TUBG1: variants seen among roughly 807,000 people sequenced by gnomAD.
The protein encoded by TUBG1 is tubulin gamma-1 chain.
TUBG1 carries 22 observed loss-of-function variants against 53.3 expected under a neutral mutation model. The observed-to-expected ratio is 0.41, with a 90% CI of 0.29 to 0.59. TUBG1 has a LOEUF of 0.59. Ranked by LOEUF, TUBG1 falls within the 20% of genes least tolerant of loss-of-function variation. The pLI, the probability that TUBG1 is intolerant of heterozygous loss-of-function variation, is 0.26. For synonymous variants in TUBG1, 198 were observed against 236.7 expected, an observed-to-expected ratio of 0.84 and a Z score of 1.50; for missense variants, 217 against 598.9, an observed-to-expected ratio of 0.36 and a Z score of 6.66.
Position 42,614,215 on chromosome 17 carries a change from T to A in TUBG1, c.844-45T>A, listed in dbSNP as rs2052058604. 1 of 1,612,998 alleles carries A rather than the reference T, an allele frequency of 6.2e-7. No individual in the cohort carries two copies. On this transcript the variant is annotated intron_variant, in intron 8 of 10. Coordinates refer to ENST00000251413, the MANE Select transcript of TUBG1 (RefSeq NM_001070.5). This position sits in a 1 kb window ranked among gnomAD's most constrained non-coding sequence, Gnocchi z 5.1. ...TGCCAAAGAGAAGCCAAAGGGGGAC[T>A]GTGCCCTGAGCGCTGGCCGGGTCCC...
chr17:42,613,588 A>T, intron 6 of TUBG1, 59 bp from the exon 7 acceptor site: 1 of 1,612,844 alleles, frequency 6.2e-7, no homozygotes, highest in Non-Finnish European at 8.5e-7. Flanking sequence ...GCCTAGGGTC[A>T]GGCAGAGCTC....
chr17:42,614,979 A>T lies in TUBG1; in HGVS notation c.1294A>T (p.Ile432Phe). 1 of 1,614,146 alleles carries T rather than the reference A, an allele frequency of 6.2e-7. No individual in the cohort carries two copies. The highest frequency in any genetic ancestry group is 8.5e-7 in the Non-Finnish European group (1 of 1,180,000). ...ATCCAGGGAGATTGTGCAGCAGCTC[A>T]TCGATGAGTACCATGCGGCCACACG... ...DTSREIVQQL[I>F]DEYHAATRPD... Residue 432 changes from isoleucine (I) to phenylalanine (F), a missense_variant, in exon 11 of 11, where the codon ATC (isoleucine) becomes TTC (phenylalanine). Physicochemically the swap from Ile to Phe is conservative, Grantham distance 21 (BLOSUM62 0). Coordinates refer to ENST00000251413, the MANE Select transcript of TUBG1 (RefSeq NM_001070.5). This position sits in a 1 kb window ranked among gnomAD's most constrained non-coding sequence, Gnocchi z 5.1.
intron 3 of TUBG1, among the ~76,000 whole-genome samples, chr17:42,611,648 G>A (rs1279257149): frequency 2.6e-5 from 4 of 152,184 alleles, no homozygotes; most frequent in Non-Finnish European, 4.4e-5. Flanking sequence ...CTGAGGTCAG[G>A]AGTTCAAGAC....
At chr17:42,613,534 TGA>T in intron 6 of TUBG1, 111 bp from the exon 7 acceptor site, 1 of 1,521,736 alleles carries the variant, frequency 6.6e-7, no homozygotes, top group South Asian at 1.1e-5. Context: ...CTCTTTCCAG[TGA>T]GTCTTTCTGG....
chr17:42,610,766 C>T (rs2052025675), intron 3 of TUBG1, 176 bp downstream of exon 3: 3 of 857,996 alleles, frequency 3.5e-6, no homozygotes, highest in Admixed American at 2.9e-5. Context: ...ATGCAGTGTG[C>T]CAGGTCATTC....
Position 42,612,061 on chromosome 17 carries a change from C to G in TUBG1, c.331-14C>G. On this transcript the variant is annotated splice_polypyrimidine_tract_variant and intron_variant, in intron 3 of 10. Coordinates refer to ENST00000251413, the MANE Select transcript of TUBG1 (RefSeq NM_001070.5). Reference sequence around the variant, plus strand: ...GGTTCTGTCCCACTCTGACCCTCCCCTATGTCTGTACAGGGAGAAAAGATC... The same window carrying G: ...GGTTCTGTCCCACTCTGACCCTCCCGTATGTCTGTACAGGGAGAAAAGATC... 6.2e-7 allele frequency: 1 copy of G among 1,613,872 alleles called. No homozygotes were observed. Among genetic ancestry groups the G allele is most frequent in the Non-Finnish European group, 8.5e-7 (1 of 1,179,814 alleles).
rs1344049632 is a variant in TUBG1, at chr17:42,614,142, C to T, written c.844-118C>T. ...CGCTCAGGGACTGGCACAGAGTGGG[C>T]GACTTTCTTGCTGACTTGCTCTCCA... On this transcript the variant is annotated intron_variant, in intron 8 of 10. Transcript: ENST00000251413. The surrounding 1 kb of genome is among the most constrained non-coding windows in gnomAD (Gnocchi z 5.1). 11 of 1,586,310 alleles carry T rather than the reference C, an allele frequency of 6.9e-6. No homozygotes were observed. The highest frequency in any genetic ancestry group is 2.2e-5 in the East Asian group (1 of 44,590).
chr17:42,610,713 A>G (rs1241772620), intron 3 of TUBG1, 123 bp downstream of exon 3: 7 of 1,414,584 alleles, frequency 4.9e-6, no homozygotes, highest in Non-Finnish European at 6.8e-6. Flanking sequence ...ACCTGGCTGC[A>G]GGGAGTGGAC....
chr17:42,612,815 C>T (rs755545049), intron 5 of TUBG1, 132 bp from the exon 6 acceptor site: 5 of 1,260,456 alleles, frequency 4.0e-6, no homozygotes, highest in Non-Finnish European at 5.5e-6. Context: ...AGTCAAGGCT[C>T]CCTTCTCTAC....
chr17:42,612,209 G>T, intron 4 of TUBG1, 66 bp downstream of exon 4: 2 of 1,539,968 alleles, frequency 1.3e-6, no homozygotes, highest in South Asian at 2.2e-5. Context: ...CTCTAGAAGC[G>T]ACCTGTTAGG....
intron 3 of TUBG1, 130 bp from the exon 4 acceptor site, chr17:42,611,945 G>C (rs1025483622): frequency 5.3e-6 from 4 of 752,686 alleles, no homozygotes; most frequent in Admixed American, 2.2e-5. Context: ...TCTCAATGTA[G>C]ATAAAAGCAG....
chr17:42,614,645 C>G lies in TUBG1; in HGVS notation c.1146C>G (p.Thr382=), dbSNP rs145451215. 94 of 1,613,996 alleles carry G rather than the reference C, an allele frequency of 5.8e-5. No homozygotes were observed. In the African/African-American group the frequency reaches 1.2e-3, roughly 20 times the overall value. The change falls in exon 10 of 11, where the codon ACC becomes ACG. Residue 382 remains threonine, a synonymous_variant. Transcript: ENST00000251413. This position sits in a 1 kb window ranked among gnomAD's most constrained non-coding sequence, Gnocchi z 5.1. ...RVSGLMMANH[T]SISSLFERTC... is the part of the protein sequence containing the mutation. ...GCGGGCTCATGATGGCCAACCACAC[C>G]AGCATCTCCTCGGTGAGTCTCAAAG...
intron 3 of TUBG1, chr17:42,611,335 G>C (rs935624076): frequency 2.0e-5 from 3 of 152,094 alleles, no homozygotes; most frequent in African/African-American, 7.2e-5. Flanking sequence ...TAATATATTT[G>C]ATTAACGTGC....
chr17:42,613,530 C>A, intron 6 of TUBG1, 117 bp from the exon 7 acceptor site: 3 of 1,503,374 alleles, frequency 2.0e-6, no homozygotes, highest in Non-Finnish European at 2.8e-6. Flanking sequence ...AAATCTCTTT[C>A]CAGTGAGTCT....
At chr17:42,611,978 CT>C (rs2052038391) in intron 3 of TUBG1, 96 bp from the exon 4 acceptor site, 8 of 1,099,202 alleles carry the variant, frequency 7.3e-6, no homozygotes, top group Non-Finnish European at 1.1e-5. Flanking sequence ...CATAAAAGGA[CT>C]TCTGGGTGTT....
chr17:42,613,902 G>A lies in TUBG1; in HGVS notation c.747G>A (p.Met249Ile). The change falls in exon 8 of 11, where the codon ATG (methionine) becomes ATA (isoleucine). Residue 249 changes from methionine to isoleucine, a missense_variant. Transcript: ENST00000251413. The stretch of plus-strand genomic sequence containing the variant: ...CCACCCTGCGCTACCCTGGCTACAT[G>A]AACAATGACCTCATCGGCCTCATCG... Reference protein sequence around the residue: ...STTTLRYPGYMNNDLIGLIAS... With the variant: ...STTTLRYPGYINNDLIGLIAS... 1 of 1,614,174 alleles carries A rather than the reference G, an allele frequency of 6.2e-7. No homozygotes were observed. Among genetic ancestry groups the A allele is most frequent in the Non-Finnish European group, 8.5e-7 (1 of 1,180,026 alleles).
rs267604888 is a variant in TUBG1, at chr17:42,614,391, G to A, written c.975G>A (p.Gln325=). Reference sequence around the variant, plus strand: ...ACATCGCCATCCTCAACATCATCCAGGGAGAGGTGGACCCCACCCAGGTAG... The same window carrying A: ...ACATCGCCATCCTCAACATCATCCAAGGAGAGGTGGACCCCACCCAGGTAG... ...HCYIAILNII[Q]GEVDPTQVHK... is the part of the protein sequence containing the mutation. Residue 325 remains glutamine, a synonymous_variant, in exon 9 of 11, where the codon CAG becomes CAA. Transcript: ENST00000251413. The surrounding 1 kb of genome is among the most constrained non-coding windows in gnomAD (Gnocchi z 5.1). The A allele has an allele frequency of 3.1e-6, 5 of 1,613,980 alleles. No homozygotes were observed. The East Asian group carries it at 1.1e-4, about 36-fold the overall frequency.
chr17:42,613,563 A>G, intron 6 of TUBG1, 84 bp from the exon 7 acceptor site: 1 of 1,597,572 alleles, frequency 6.3e-7, no homozygotes, highest in East Asian at 2.2e-5. Context: ...AGCTCAAAGG[A>G]AATTAAGCTT....
At chr17:42,612,647 C>T in intron 5 of TUBG1, 141 bp downstream of exon 5, 4 of 856,224 alleles carry the variant, frequency 4.7e-6, no homozygotes, top group Non-Finnish European at 7.3e-6. Context: ...AATGAAGTTA[C>T]AATGACTGAG....
Sources: gnomAD v4.1 joint callset for allele counts (sites outside exome capture counted in the v4.1 genomes callset) on GRCh38, gnomAD v4.1.1 for gene constraint, Gnocchi (gnomAD v3.1) non-coding constraint, MANE v1.5 for transcripts, NCBI Gene and HGNC (gene_info 2026-07-23, HGNC 2026-07-21) for gene names.